ANKH: variants seen among roughly 807,000 people sequenced by gnomAD.
ANKH encodes ANKH inorganic pyrophosphate transport regulator, also known as mineralization regulator ANKH.
In ANKH, 15 loss-of-function variants were observed where a neutral mutation model predicts 49.0. The observed-to-expected ratio is 0.31, with a 90% CI of 0.20 to 0.47. The LOEUF (loss-of-function observed/expected upper bound fraction) is 0.47. Among genes scored for constraint, ANKH ranks in the 20% least tolerant of loss-of-function variants. ANKH has a pLI of 1.00. For missense variants in ANKH, 429 were observed against 652.0 expected, an observed-to-expected ratio of 0.66 and a Z score of 3.72; for synonymous variants, 273 against 260.0, an observed-to-expected ratio of 1.05 and a Z score of -0.48.
In ANKH at chr5:14,745,807, C is replaced by A. The variant is rs1738514937; in HGVS notation, c.915+63G>T. 7.0e-7 allele frequency: 1 copy of A among 1,431,038 alleles called. No homozygotes were observed. The highest frequency in any genetic ancestry group is 1.2e-5 in the South Asian group (1 of 86,682). 88.6% of individuals were successfully genotyped at this position (1,431,038 alleles called of 1,614,324 possible). On this transcript the variant is annotated intron_variant, in intron 7 of 11. Transcript: ENST00000284268. This position sits in a 1 kb window ranked among gnomAD's most constrained non-coding sequence, Gnocchi z 4.7. The stretch of plus-strand genomic sequence containing the variant: ...CAACAAAGTGTCCCTCATCAGAGAG[C>A]CCTGTCTATCAAGAAGTCATTTCAA...
At chr5:14,734,554 G>A (rs778913460) in intron 8 of ANKH, among the ~76,000 whole-genome samples, 2 of 152,314 alleles carry the variant, frequency 1.3e-5, no homozygotes, top group East Asian at 1.9e-4. Flanking sequence ...AGTGAAAACC[G>A]AAAGAGCCGG....
chr5:14,798,051 A>G (rs1338359783), intron 1 of ANKH: 4 of 1,584,994 alleles, frequency 2.5e-6, no homozygotes, highest in Non-Finnish European at 3.5e-6. Context: ...CTTGATTTCT[A>G]TTTCAATTTT....
intron 8 of ANKH, among the ~76,000 whole-genome samples, chr5:14,736,006 CTTTTTTTT>C (rs540010631): frequency 0.011 from 953 of 83,662 alleles, 25 homozygotes; most frequent in African/African-American, 0.051. Flanking sequence ...AAAAACCTAA[CTTTTTTTT>C]TTTTTTTTTT....
At position 14,716,781 on chromosome 5, in the gene ANKH, T is replaced by C. The variant is rs1380613484; in HGVS notation, c.1066A>G (p.Ile356Val). Residue 356 changes from isoleucine to valine, a missense_variant, in exon 9 of 12, where the codon ATC becomes GTC. Physicochemically the swap from Ile to Val is conservative, Grantham distance 29 (BLOSUM62 3). Transcript: ENST00000284268. Reference protein sequence around the residue: ...PNVSEKILIDIIGVDFAFAEL... With the variant: ...PNVSEKILIDVIGVDFAFAEL... ...GCAAAGGCAAAGTCCACTCCGATGA[T>C]GTCTATCAAGATTTTCTCAGACACG... is the stretch of plus-strand genomic sequence containing the variant. 1.2e-6 allele frequency: 2 copies of C among 1,614,182 alleles called. No homozygotes were observed. The highest frequency in any genetic ancestry group is 1.1e-5 in the South Asian group (1 of 91,088).
intron 8 of ANKH, among the ~76,000 whole-genome samples, chr5:14,723,018 C>T (rs1737716740): frequency 6.6e-6 from 1 of 152,054 alleles, no homozygotes; most frequent in South Asian, 2.1e-4. Context: ...ATTGAGGGAC[C>T]TTCTACCAAA....
At chr5:14,718,853 A>G (rs1277242605) in intron 8 of ANKH, among the ~76,000 whole-genome samples, 1 of 141,020 alleles carries the variant, frequency 7.1e-6, no homozygotes, top group Non-Finnish European at 1.6e-5. Flanking sequence ...AAAAAAAGAC[A>G]TAGAAAAAGA....
chr5:14,785,448 G>T (rs1739943699), intron 1 of ANKH, among the ~76,000 whole-genome samples: 1 of 152,128 alleles, frequency 6.6e-6, no homozygotes, highest in Non-Finnish European at 1.5e-5. Flanking sequence ...CATGTGGTTT[G>T]CCTACTCCCC....
Position 14,771,814 on chromosome 5 carries a change from G to C in ANKH, c.97-2623C>G, listed in dbSNP as rs867994123. Among the ~76,000 whole-genome samples, 11 of 151,272 alleles carry C rather than the reference G, an allele frequency of 7.3e-5. 1 individual carries two copies. Among genetic ancestry groups the C allele is most frequent in the South Asian group, 4.2e-4 (2 of 4,784 alleles). On this transcript the variant is annotated intron_variant, in intron 1 of 11. Coordinates refer to ENST00000284268, the MANE Select transcript of ANKH (RefSeq NM_054027.6). ...TGTGCACCTATAATCCCAGCTACTC[G>C]GGAGGCTGAGAGTCACTTGAACCCG...
chr5:14,749,452 C>G (rs1371958198), intron 5 of ANKH, 146 bp from the exon 6 acceptor site: 23 of 888,906 alleles, frequency 2.6e-5, no homozygotes, highest in Non-Finnish European at 3.6e-6. Flanking sequence ...TGTCTGTAGA[C>G]AAGCCAAGTT....
chr5:14,718,435 A>C (rs1320889095), intron 8 of ANKH, among the ~76,000 whole-genome samples: 1 of 152,184 alleles, frequency 6.6e-6, no homozygotes. Flanking sequence ...GGGAAAAAAA[A>C]AACTTTTCTC....
rs766275332 is a variant in ANKH at position 14,711,254 on chromosome 5, G to A, written c.1422C>T (p.Asp474=). 1.9e-6 allele frequency: 3 copies of A among 1,614,122 alleles called. No homozygotes were observed. Among genetic ancestry groups the A allele is most frequent in the Non-Finnish European group, 2.5e-6 (3 of 1,180,036 alleles). Residue 474 remains aspartate (D), a synonymous_variant, in exon 12 of 12, where the codon GAC becomes GAT. Transcript: ENST00000284268. Reference sequence around the variant, plus strand: ...CTGTCACCTCCTCTGTCGGAGGCATGTCTGTCATGGCAGAGTCTTCCCCCT... The same window carrying A: ...CTGTCACCTCCTCTGTCGGAGGCATATCTGTCATGGCAGAGTCTTCCCCCT... ...ATEGEDSAMT[D]MPPTEEVTDI...
intron 1 of ANKH, among the ~76,000 whole-genome samples, chr5:14,793,940 G>T (rs1342030774): frequency 3.3e-5 from 5 of 152,244 alleles, no homozygotes; most frequent in African/African-American, 1.2e-4. Context: ...CTAAGTAGAA[G>T]AAGTAATGCT....
intron 1 of ANKH, among the ~76,000 whole-genome samples, chr5:14,776,881 G>T (rs367868806): frequency 1.3e-4 from 20 of 152,320 alleles, no homozygotes; most frequent in African/African-American, 4.3e-4. Flanking sequence ...ATATGAAGCC[G>T]CCCTTTAATC....
At chr5:14,819,053 A>C (rs910428470) in intron 1 of ANKH, among the ~76,000 whole-genome samples, 1 of 152,344 alleles carries the variant, frequency 6.6e-6, no homozygotes, top group South Asian at 2.1e-4. Flanking sequence ...CCAAAGGCTC[A>C]ACTCTGAATA....
chr5:14,752,080 G>A (rs1037112165), intron 4 of ANKH, among the ~76,000 whole-genome samples: 8 of 152,156 alleles, frequency 5.3e-5, no homozygotes, highest in African/African-American at 1.9e-4. Flanking sequence ...GGCTGAGGCT[G>A]GAGGACTGTT....
At chr5:14,749,509 C>T (rs778218156) in intron 5 of ANKH, among the ~76,000 whole-genome samples, 1 of 152,226 alleles carries the variant, frequency 6.6e-6, no homozygotes, top group Non-Finnish European at 1.5e-5. Context: ...ACCGAGACAG[C>T]TGGCAAGCTG....
chr5:14,711,095 A>AAAAC lies in ANKH; in HGVS notation c.*98_*101dup, dbSNP rs930709576. ...TCAAGGCCTCTTTCATTACCAAAAC[A>AAAAC]AAACAAAAAAAAGGGAACAAAATAC... is the stretch of plus-strand genomic sequence containing the variant. On this transcript the variant is annotated 3_prime_UTR_variant, in exon 12 of 12. Coordinates refer to ENST00000284268, the MANE Select transcript of ANKH (RefSeq NM_054027.6). 1.8e-6 allele frequency: 2 copies of AAAAC among 1,101,622 alleles called. No homozygotes were observed. Among genetic ancestry groups the AAAAC allele is most frequent in the African/African-American group, 3.1e-5 (2 of 65,092 alleles). 68.2% of individuals were successfully genotyped at this position (1,101,622 alleles called of 1,614,324 possible). A position where few individuals can be genotyped will look rare whatever the true frequency, so the allele number is the denominator to read the frequency against.
intron 1 of ANKH, among the ~76,000 whole-genome samples, chr5:14,789,232 AAAC>A (rs953921648): frequency 2.7e-4 from 41 of 152,258 alleles, no homozygotes; most frequent in East Asian, 5.8e-4. Context: ...CTGTCTCCAA[AAAC>A]AACAACAACA....
chr5:14,772,462 A>G (rs1373956854), intron 1 of ANKH, among the ~76,000 whole-genome samples: 3 of 152,110 alleles, frequency 2.0e-5, no homozygotes, highest in Non-Finnish European at 4.4e-5. Flanking sequence ...TTTATCTCTA[A>G]TTGTTTTCCT....
Sources: gnomAD v4.1 joint callset for allele counts (sites outside exome capture counted in the v4.1 genomes callset) on GRCh38, gnomAD v4.1.1 for gene constraint, Gnocchi (gnomAD v3.1) non-coding constraint, MANE v1.5 for transcripts, NCBI Gene and HGNC (gene_info 2026-07-23, HGNC 2026-07-21) for gene names.